The following LRP1B variants were observed in gnomAD, a reference collection of about 807,000 sequenced individuals.
The protein encoded by LRP1B is LDL receptor related protein 1B.
Under a neutral mutation model 556.6 loss-of-function variants are expected in LRP1B, and 217 were observed. That is an observed-to-expected ratio of 0.39 (90% CI 0.35 to 0.44). The LOEUF (loss-of-function observed/expected upper bound fraction) is 0.44, where lower values mean the gene tolerates loss of function less well. Among genes scored for constraint, LRP1B ranks in the 20% least tolerant of loss-of-function variants. The probability of loss-of-function intolerance (pLI) is 1.00; values close to 1 mark genes in which losing one functional copy is unlikely to be tolerated. For synonymous variants in LRP1B, 2,047 were observed against 1,865.8 expected, an observed-to-expected ratio of 1.10 and a Z score of -2.50; for missense variants, 5,053 against 5,620.8, an observed-to-expected ratio of 0.90 and a Z score of 3.23.
intron 10 of LRP1B, among the ~76,000 whole-genome samples, chr2:141,051,126 A>C (rs1699022926): frequency 6.6e-6 from 1 of 152,148 alleles, no homozygotes; most frequent in African/African-American, 2.4e-5. Flanking sequence ...GTCAGGAAAC[A>C]ATAGATGCTG....
At chr2:141,361,747 A>G (rs1233825909) in intron 3 of LRP1B, among the ~76,000 whole-genome samples, 2 of 152,210 alleles carry the variant, frequency 1.3e-5, no homozygotes, top group East Asian at 3.8e-4. Context: ...AGTTATCTGA[A>G]GAAGAACGCT....
intron 2 of LRP1B, among the ~76,000 whole-genome samples, chr2:141,698,134 A>G (rs964507357): frequency 6.6e-6 from 1 of 151,894 alleles, no homozygotes; most frequent in African/African-American, 2.4e-5. Flanking sequence ...TACATTCCCA[A>G]GCACATTTAA....
chr2:140,696,674 A>C (rs965472377), intron 41 of LRP1B, among the ~76,000 whole-genome samples: 82 of 152,284 alleles, frequency 5.4e-4, no homozygotes, highest in African/African-American at 1.9e-3. Flanking sequence ...ACCTGCTGTC[A>C]GATCAGCAAT....
chr2:141,947,545 A>T (rs1054457326), intron 1 of LRP1B, among the ~76,000 whole-genome samples: 1 of 152,124 alleles, frequency 6.6e-6, no homozygotes, highest in African/African-American at 2.4e-5. Flanking sequence ...CCCTGGAGAT[A>T]ATGGCTTATT....
At chr2:141,569,934 G>T (rs1686468034) in intron 2 of LRP1B, among the ~76,000 whole-genome samples, 1 of 151,108 alleles carries the variant, frequency 6.6e-6, no homozygotes. Flanking sequence ...TAAGATATTT[G>T]TAAGATATTT....
At chr2:140,571,965 C>T (rs1331259773) in intron 43 of LRP1B, among the ~76,000 whole-genome samples, 1 of 151,590 alleles carries the variant, frequency 6.6e-6, no homozygotes, top group Non-Finnish European at 1.5e-5. Context: ...AAACTAGAAC[C>T]TTGTATCTCA....
Position 141,433,140 on chromosome 2 carries a change from T to C in LRP1B, c.343+47256A>G, listed in dbSNP as rs113410575. On this transcript the variant is annotated intron_variant, in intron 3 of 90. Coordinates refer to ENST00000389484, the MANE Select transcript of LRP1B (RefSeq NM_018557.3). Reference sequence around the variant, plus strand: ...AACTTTACTTGTGATATCTTCCTGATGCATTGGTTATTCAGGAGTGTATTT... The same window carrying C: ...AACTTTACTTGTGATATCTTCCTGACGCATTGGTTATTCAGGAGTGTATTT... Among the ~76,000 whole-genome samples the C allele has an allele frequency of 6.5e-4, 99 of 152,268 alleles. 1 individual carries two copies. In the East Asian group the frequency reaches 0.015, roughly 23 times the overall value.
intron 23 of LRP1B, among the ~76,000 whole-genome samples, chr2:140,893,704 A>G (rs1285036174): frequency 6.6e-6 from 1 of 152,198 alleles, no homozygotes; most frequent in Non-Finnish European, 1.5e-5. Flanking sequence ...CCTTGTAGAT[A>G]AGGGAGTTTT....
In LRP1B at chr2:140,862,298, T is replaced by C. The variant is rs1391662355; in HGVS notation, c.4579+5292A>G. Among the ~76,000 whole-genome samples, 4 of 152,336 alleles carry C rather than the reference T, an allele frequency of 2.6e-5. No homozygotes were observed. The East Asian group carries it at 5.8e-4, about 22-fold the overall frequency. On this transcript the variant is annotated intron_variant, in intron 27 of 90. Coordinates refer to ENST00000389484, the MANE Select transcript of LRP1B (RefSeq NM_018557.3). The stretch of plus-strand genomic sequence containing the variant: ...AAACCAAATGAAGAATACTATTTCA[T>C]GGCACATAAAACTTGTATGAAATTC...
At chr2:140,732,257 T>G (rs911958986) in intron 35 of LRP1B, among the ~76,000 whole-genome samples, 1 of 152,146 alleles carries the variant, frequency 6.6e-6, no homozygotes, top group African/African-American at 2.4e-5. Flanking sequence ...AAGTCCACAT[T>G]TTAATTATCA....
At chr2:140,813,945 G>T in intron 31 of LRP1B, 139 bp from the exon 32 acceptor site, 2 of 620,112 alleles carry the variant, frequency 3.2e-6, no homozygotes, top group East Asian at 2.8e-5. Context: ...TGGCTAATAG[G>T]GAAATACACA....
chr2:140,357,246 C>A (rs1682267777), intron 74 of LRP1B, among the ~76,000 whole-genome samples: 1 of 151,534 alleles, frequency 6.6e-6, no homozygotes, highest in African/African-American at 2.4e-5. Context: ...ATCGTTGTAA[C>A]CCCACTGACT....
intron 21 of LRP1B, among the ~76,000 whole-genome samples, chr2:140,922,306 G>GCACA (rs1223817168): frequency 2.3e-5 from 3 of 132,504 alleles, no homozygotes; most frequent in Non-Finnish European, 5.0e-5. Flanking sequence ...ACGCACACAC[G>GCACA]CACACACACG....
chr2:142,014,717 C>T (rs967155), intron 1 of LRP1B, among the ~76,000 whole-genome samples: 46,001 of 152,030 alleles, frequency 0.3, 8,355 homozygotes, highest in Admixed American at 0.44. Context: ...AGTTATTGGA[C>T]TTTGCTACTG....
intron 2 of LRP1B, among the ~76,000 whole-genome samples, chr2:141,577,856 G>A (rs1489299188): frequency 1.3e-5 from 2 of 152,112 alleles, no homozygotes; most frequent in Non-Finnish European, 2.9e-5. Context: ...TTATATCACT[G>A]TCATGCTTAC....
chr2:142,011,817 T>C (rs896273320), intron 1 of LRP1B, among the ~76,000 whole-genome samples: 1 of 152,190 alleles, frequency 6.6e-6, no homozygotes. Context: ...CTTTACTCAC[T>C]TGATATTTTG....
intron 2 of LRP1B, among the ~76,000 whole-genome samples, chr2:141,671,904 C>T (rs1172574552): frequency 6.6e-6 from 1 of 151,594 alleles, no homozygotes; most frequent in Non-Finnish European, 1.5e-5. Flanking sequence ...TCTTATATGC[C>T]AGGCACTGGA....
At chr2:141,783,533 C>T (rs1296544226) in intron 2 of LRP1B, among the ~76,000 whole-genome samples, 1 of 151,904 alleles carries the variant, frequency 6.6e-6, no homozygotes, top group Non-Finnish European at 1.5e-5. Flanking sequence ...CCTAACATAA[C>T]TACAACTACT....
chr2:141,481,780 G>C (rs944425099), intron 2 of LRP1B, among the ~76,000 whole-genome samples: 3 of 152,136 alleles, frequency 2.0e-5, no homozygotes, highest in Admixed American at 6.6e-5. Context: ...TGAGTGGCTT[G>C]AGCAAGCTAT....
Sources: gnomAD v4.1 joint callset for allele counts (sites outside exome capture counted in the v4.1 genomes callset) on GRCh38, gnomAD v4.1.1 for gene constraint, MANE v1.5 for transcripts, NCBI Gene and HGNC (gene_info 2026-07-23, HGNC 2026-07-21) for gene names.